Variants in POLR1A observed in about 807,000 individuals in gnomAD.
The protein encoded by POLR1A is RNA polymerase I subunit A.
A neutral mutation model predicts 205.3 loss-of-function variants in POLR1A; 84 were observed. The ratio of observed to expected loss-of-function variants is 0.41; its 90% CI spans 0.34 to 0.49. The LOEUF (loss-of-function observed/expected upper bound fraction) is 0.49. POLR1A is among the 20% of genes least tolerant of loss of function. The pLI, the probability that POLR1A is intolerant of heterozygous loss-of-function variation, is 0.22. For synonymous variants in POLR1A, 799 were observed against 863.7 expected, an observed-to-expected ratio of 0.93 and a Z score of 1.31; for missense variants, 1,645 against 2,204.5, an observed-to-expected ratio of 0.75 and a Z score of 5.08.
chr2:86,105,371 T>A (rs1425911822), intron 1 of POLR1A, among the ~76,000 whole-genome samples: 1 of 152,168 alleles, frequency 6.6e-6, no homozygotes, highest in Non-Finnish European at 1.5e-5. Flanking sequence ...CGTGCCTAAT[T>A]AACCATGTCA....
intron 14 of POLR1A, among the ~76,000 whole-genome samples, chr2:86,058,537 G>GA (rs772340416): frequency 0.021 from 2,748 of 129,188 alleles, 37 homozygotes; most frequent in Middle Eastern, 0.036. Flanking sequence ...ATATCTTAAT[G>GA]AAAAAAAAAA....
At chr2:86,088,462 A>G in intron 6 of POLR1A, 104 bp downstream of exon 6, 2 of 755,080 alleles carry the variant, frequency 2.6e-6, no homozygotes, top group Non-Finnish European at 4.5e-6. Context: ...GCCCCTCCCA[A>G]ATGCAGCAGA....
At chr2:86,058,837 C>G (rs116390134) in intron 14 of POLR1A, among the ~76,000 whole-genome samples, 1,560 of 152,148 alleles carry the variant, frequency 0.01, 21 homozygotes, top group African/African-American at 0.035. Flanking sequence ...ATATACTTGG[C>G]CAGGCATGGT....
At position 86,027,412 on chromosome 2, in the gene POLR1A, CG is replaced by C. The variant is rs778620394; in HGVS notation, c.*10del. On this transcript the variant is annotated 3_prime_UTR_variant, in exon 34 of 34. Coordinates refer to ENST00000263857, the MANE Select transcript of POLR1A (RefSeq NM_015425.6). ...GTCCTTGGAGCTGGGCAGATGGTGC[CG>C]GGGTAGCTGCTATCTCAGAGGCTGC... The C allele has an allele frequency of 6.2e-7, 1 of 1,610,356 alleles. No individual in the cohort carries two copies. Among genetic ancestry groups the C allele is most frequent in the Non-Finnish European group, 8.5e-7 (1 of 1,176,592 alleles).
chr2:86,094,887 C>T (rs916929518), intron 3 of POLR1A, among the ~76,000 whole-genome samples: 2 of 152,226 alleles, frequency 1.3e-5, no homozygotes, highest in African/African-American at 4.8e-5. Flanking sequence ...TCAAGCTCCA[C>T]ATGAGCCCAC....
At chr2:86,088,513 G>A (rs116196633) in intron 6 of POLR1A, 53 bp downstream of exon 6, 31,591 of 1,130,340 alleles carry the variant, frequency 0.028, 598 homozygotes, top group Non-Finnish European at 0.036. Flanking sequence ...CCAGGGTTTA[G>A]GACACATCTG....
In POLR1A at chr2:86,027,328, G is replaced by A; in HGVS notation, c.*95C>T. On this transcript the variant is annotated 3_prime_UTR_variant, in exon 34 of 34. Transcript: ENST00000263857. ...TGTACTGTCACTTGGAACTGCCCTG[G>A]ATTCCAGTCTCCTGGTCCTCTCATG... 1 of 1,001,606 alleles carries A rather than the reference G, an allele frequency of 1.0e-6. No homozygotes were observed. Among genetic ancestry groups the A allele is most frequent in the Non-Finnish European group, 1.6e-6 (1 of 624,994 alleles). The allele number at this position is 1,001,606 out of a possible 1,614,324, so 62.0% of individuals were successfully genotyped here. A position where few individuals can be genotyped will look rare whatever the true frequency, so the allele number is the denominator to read the frequency against.
chr2:86,083,344 A>G (rs1673439139), intron 6 of POLR1A, among the ~76,000 whole-genome samples, 176 bp from the exon 7 acceptor site: 1 of 152,034 alleles, frequency 6.6e-6, no homozygotes, highest in East Asian at 1.9e-4. Context: ...TTCTATAGTA[A>G]TAAAAACCAT....
rs756884177 is a variant in POLR1A, at chr2:86,070,230, G to A, written c.1654C>T (p.Arg552Ter). 6.2e-7 allele frequency: 1 copy of A among 1,613,540 alleles called. No homozygotes were observed. The highest frequency in any genetic ancestry group is 1.3e-5 in the African/African-American group (1 of 74,916). Residue 552 changes from arginine to a stop codon, truncating the protein, a stop_gained, in exon 13 of 34, where the codon CGA becomes TGA. Transcript: ENST00000263857. LOFTEE classifies it high-confidence loss of function. This position sits in a 1 kb window ranked among gnomAD's most constrained non-coding sequence, Gnocchi z 4.4. Reference protein sequence around the residue: ...VKNGDILLLNRQPTLHRPSIQ... With the variant: ...VKNGDILLLN Reference sequence around the variant, plus strand: ...GAGGGTCTGTGCAGTGTGGGCTGTCGGTTCAGTAGCAGAATGTCCCCATTC... The same window carrying A: ...GAGGGTCTGTGCAGTGTGGGCTGTCAGTTCAGTAGCAGAATGTCCCCATTC...
rs536482074 is a variant in POLR1A, at chr2:86,105,879, G to C, written c.-103C>G. ...GCCCGGAGTCACCACGCGATTCAAC[G>C]TGCGCTTGCGCGCGGAAGCGGTCGC... On this transcript the variant is annotated 5_prime_UTR_variant, in exon 1 of 34. Transcript: ENST00000263857. 1.3e-4 allele frequency: 143 copies of C among 1,073,090 alleles called. 2 individuals are homozygous for C. The South Asian group carries it at 2.0e-3, about 15-fold the overall frequency. The allele number at this position is 1,073,090 out of a possible 1,614,324, so 66.5% of individuals were successfully genotyped here. A position where few individuals can be genotyped will look rare whatever the true frequency, so the allele number is the denominator to read the frequency against.
rs773948595 is a variant in POLR1A, at chr2:86,028,691, G to A, written c.4800C>T (p.Leu1600=). Residue 1600 remains leucine (L), a synonymous_variant, in exon 32 of 34, where the codon CTC becomes CTT. Transcript: ENST00000263857. This position sits in a 1 kb window ranked among gnomAD's most constrained non-coding sequence, Gnocchi z 4.5. ...KYAEVLDLRR[L]YSNDIHAIAN... The stretch of plus-strand genomic sequence containing the variant: ...CTATGGCGTGGATGTCGTTGGAGTA[G>A]AGGCGGCGCAGATCCAGGACCTGGA... The A allele has an allele frequency of 1.9e-6, 3 of 1,614,044 alleles. No homozygotes were observed. Among genetic ancestry groups the A allele is most frequent in the Non-Finnish European group, 2.5e-6 (3 of 1,179,868 alleles).
intron 14 of POLR1A, among the ~76,000 whole-genome samples, chr2:86,056,774 C>G: frequency 6.6e-6 from 1 of 152,156 alleles, no homozygotes; most frequent in East Asian, 1.9e-4. Context: ...TGGAACAAAG[C>G]GTGGGTGACT....
intron 16 of POLR1A, among the ~76,000 whole-genome samples, chr2:86,049,995 G>A (rs528535654): frequency 6.6e-6 from 1 of 151,638 alleles, no homozygotes; most frequent in Non-Finnish European, 1.5e-5. Flanking sequence ...TCGGCTCACT[G>A]CAACCGCTGC....
chr2:86,074,205 G>A (rs1673238027), intron 12 of POLR1A, among the ~76,000 whole-genome samples: 1 of 152,184 alleles, frequency 6.6e-6, no homozygotes, highest in African/African-American at 2.4e-5. Context: ...GTTCCTTCAA[G>A]GCTGATGCAA....
In POLR1A at chr2:86,025,758, G is replaced by T. The variant is rs530560962; in HGVS notation, c.*1665C>A. 1 of 152,358 alleles carries T rather than the reference G, an allele frequency of 6.6e-6. No individual in the cohort carries two copies. Among genetic ancestry groups the T allele is most frequent in the African/African-American group, 2.4e-5 (1 of 41,582 alleles). The allele number at this position is 152,358 out of a possible 1,614,324, so 9.4% of individuals were successfully genotyped here. On this transcript the variant is annotated 3_prime_UTR_variant, in exon 34 of 34. Coordinates refer to ENST00000263857, the MANE Select transcript of POLR1A (RefSeq NM_015425.6). ...CTTCAAGGACACTCTCACAATTCTA[G>T]TGTGTGTAGAAATCATCAAGTGAAT...
At chr2:86,061,767 T>C (rs949702909) in intron 14 of POLR1A, among the ~76,000 whole-genome samples, 4 of 152,184 alleles carry the variant, frequency 2.6e-5, no homozygotes, top group Admixed American at 2.6e-4. Flanking sequence ...TTAAATAAAC[T>C]TCAAGGAAAG....
At chr2:86,058,538 A>G (rs1206378169) in intron 14 of POLR1A, among the ~76,000 whole-genome samples, 1 of 135,418 alleles carries the variant, frequency 7.4e-6, no homozygotes. Flanking sequence ...TATCTTAATG[A>G]AAAAAAAAAA....
At position 86,080,893 on chromosome 2, in the gene POLR1A, G is replaced by A. The variant is rs1394675220; in HGVS notation, c.1009C>T (p.Leu337=). Reference sequence around the variant, plus strand: ...ATCAATGCCAGAAGTTTTCGAATCAGAACTACATCCTTCATGACAGCCTGC... The same window carrying A: ...ATCAATGCCAGAAGTTTTCGAATCAAAACTACATCCTTCATGACAGCCTGC... ...NLQAVMKDVV[L]IRKLLALMAQ... is the part of the protein sequence containing the mutation. Residue 337 remains leucine (L), a synonymous_variant, in exon 9 of 34, where the codon CTG becomes TTG. Coordinates refer to ENST00000263857, the MANE Select transcript of POLR1A (RefSeq NM_015425.6). 1 of 1,614,026 alleles carries A rather than the reference G, an allele frequency of 6.2e-7. No homozygotes were observed. The highest frequency in any genetic ancestry group is 8.5e-7 in the Non-Finnish European group (1 of 1,180,028).
Position 86,077,864 on chromosome 2 carries a change from G to T in POLR1A, c.1375C>A (p.Pro459Thr). ...MYINTNEIGI[P>T]MVFATKLTYP... ...ACACACACACACACACACACCATGG[G>T]AATTCCAATTTCGTTGGTGTTGATG... The change falls in exon 11 of 34, where the codon CCC becomes ACC. Residue 459 changes from proline (P) to threonine (T), a missense_variant. By Grantham distance (38) the Pro-to-Thr change is conservative. Transcript: ENST00000263857. 2 of 1,609,878 alleles carry T rather than the reference G, an allele frequency of 1.2e-6. No homozygotes were observed.
Sources: allele counts gnomAD v4.1 joint callset (sites outside exome capture counted in the v4.1 genomes callset), GRCh38; gene constraint gnomAD v4.1.1; non-coding constraint Gnocchi (gnomAD v3.1); transcripts MANE v1.5; gene names NCBI Gene and HGNC (gene_info 2026-07-23, HGNC 2026-07-21).